The following KIF12 variants were observed in gnomAD, a reference collection of about 807,000 sequenced individuals.
KIF12 encodes kinesin-like protein KIF12.
Under a neutral mutation model 87.9 loss-of-function variants are expected in KIF12, and 80 were observed. That is an observed-to-expected ratio of 0.91 (90% CI 0.76 to 1.10). The LOEUF (loss-of-function observed/expected upper bound fraction) is 1.10, where lower values mean the gene tolerates loss of function less well. Among genes scored for constraint, KIF12 ranks in the 50% least tolerant of loss-of-function variants. The probability of loss-of-function intolerance (pLI) is 0.00; values close to 1 mark genes in which losing one functional copy is unlikely to be tolerated. For synonymous variants in KIF12, 353 were observed against 348.5 expected, an observed-to-expected ratio of 1.01 and a Z score of -0.14; for missense variants, 819 against 865.3, an observed-to-expected ratio of 0.95 and a Z score of 0.67.
At chr9:114,096,938 G>A (rs1380813248) in intron 7 of KIF12, among the ~76,000 whole-genome samples, 1 of 152,244 alleles carries the variant, frequency 6.6e-6, no homozygotes, top group Non-Finnish European at 1.5e-5. Flanking sequence ...CCCTGGAAGG[G>A]TGGAGGGTCT....
Position 114,093,939 on chromosome 9 carries a change from G to A in KIF12, c.1347C>T (p.Asp449=). ...GGATGCGCTGCTCATTCTGGGCCAG[G>A]TCTCGGCTATTCTGCAGCTGGCTCT... ...KEKSQLQNSR[D]LAQNEQRILA... is the part of the protein sequence containing the mutation. The change falls in exon 14 of 19, where the codon GAC becomes GAT. Residue 449 remains aspartate, a synonymous_variant. Coordinates refer to ENST00000640217, the MANE Select transcript of KIF12 (RefSeq NM_001388308.1). 6.2e-7 allele frequency: 1 copy of A among 1,614,102 alleles called. No individual in the cohort carries two copies.
In KIF12 at chr9:114,094,180, C is replaced by A; in HGVS notation, c.1313+1G>T. ...CCCTCTGGCTGTGGGCTGTGCCCTA[C>A]CTGAGCCTCTCATTCTCTAGCATGA... On this transcript the variant is annotated splice_donor_variant, in intron 13 of 18. Coordinates refer to ENST00000640217, the MANE Select transcript of KIF12 (RefSeq NM_001388308.1). LOFTEE classifies it high-confidence loss of function. The A allele has an allele frequency of 2.5e-6, 4 of 1,613,194 alleles. No individual in the cohort carries two copies. The highest frequency in any genetic ancestry group is 2.5e-6 in the Non-Finnish European group (3 of 1,179,550).
At position 114,097,334 on chromosome 9, in the gene KIF12, T is replaced by A; in HGVS notation, c.613A>T (p.Ser205Cys). 1 of 1,610,246 alleles carries A rather than the reference T, an allele frequency of 6.2e-7. No homozygotes were observed. The highest frequency in any genetic ancestry group is 8.5e-7 in the Non-Finnish European group (1 of 1,179,108). Residue 205 changes from serine (S) to cysteine (C), a missense_variant, in exon 7 of 19, where the codon AGT becomes TGT. Physicochemically the swap from Ser to Cys is moderately radical, Grantham distance 112 (BLOSUM62 -1). Coordinates refer to ENST00000640217, the MANE Select transcript of KIF12 (RefSeq NM_001388308.1). ...VEQLRVVEFG[S>C]LEALMELLQT... is the part of the protein sequence containing the mutation. The stretch of plus-strand genomic sequence containing the variant: ...AAAAGTTCCATCAGGGCCTCCAGAC[T>A]CCCAAATTCCACCACCCGCAGCTGC...
At position 114,093,872 on chromosome 9, in the gene KIF12, G is replaced by A. The variant is rs1242870689; in HGVS notation, c.1400+14C>T. On this transcript the variant is annotated intron_variant, in intron 14 of 18. Transcript: ENST00000640217. Reference sequence around the variant, plus strand: ...TGTCCAGAGGCCTGGCTCCAAGCTGGTGGCTCTGCTTACCTCTCTAGTGCA... The same window carrying A: ...TGTCCAGAGGCCTGGCTCCAAGCTGATGGCTCTGCTTACCTCTCTAGTGCA... 6.2e-7 allele frequency: 1 copy of A among 1,610,704 alleles called. No individual in the cohort carries two copies. Among genetic ancestry groups the A allele is most frequent in the African/African-American group, 1.3e-5 (1 of 74,994 alleles).
chr9:114,096,266 G>A (rs1217578942), intron 8 of KIF12, 59 bp from the exon 9 acceptor site: 1 of 1,608,644 alleles, frequency 6.2e-7, no homozygotes, highest in Non-Finnish European at 8.5e-7. Flanking sequence ...AAGCCACAAG[G>A]TTATGGGACC....
chr9:114,098,481 C>T (rs58533883), intron 3 of KIF12, 52 bp from the exon 4 acceptor site: 46,212 of 1,142,882 alleles, frequency 0.04, 1,148 homozygotes, highest in Non-Finnish European at 0.047. Context: ...GGCGGGGCAC[C>T]CTGGAGGGGC....
rs1280322401 is a variant in KIF12 at position 114,097,372 on chromosome 9, C to T, written c.575G>A (p.Gly192Asp). 3.1e-6 allele frequency: 5 copies of T among 1,608,822 alleles called. No individual in the cohort carries two copies. The East Asian group carries it at 6.7e-5, about 22-fold the overall frequency. Residue 192 changes from glycine (G) to aspartate (D), a missense_variant, in exon 7 of 19, where the codon GGC (glycine) becomes GAC (aspartate). Coordinates refer to ENST00000640217, the MANE Select transcript of KIF12 (RefSeq NM_001388308.1). Reference protein sequence around the residue: ...PLPVRWNKTRGFYVEQLRVVE... With the variant: ...PLPVRWNKTRDFYVEQLRVVE... ...CACCCGCAGCTGCTCCACATAGAAG[C>T]CCCGAGTCTTGTTCCAGCGAACAGG...
Position 114,092,432 on chromosome 9 carries a change from G to A in KIF12, c.1717C>T (p.Gln573Ter). ...PRERSHSDWT[Q>*]TRVLAEMLTE... is the part of the protein sequence containing the mutation. ...AACATCTCTGCCAGGACTCGGGTCT[G>A]AGTCCAGTCACTGTGACTCCTGGGC... Residue 573 changes from glutamine to a stop codon, truncating the protein, a stop_gained, in exon 18 of 19, where the codon CAG (glutamine) becomes TAG (stop). Transcript: ENST00000640217. LOFTEE classifies it high-confidence loss of function. The A allele has an allele frequency of 6.2e-7, 1 of 1,613,722 alleles. No homozygotes were observed. Among genetic ancestry groups the A allele is most frequent in the Non-Finnish European group, 8.5e-7 (1 of 1,179,884 alleles).
rs780468289 is a variant in KIF12, at chr9:114,092,579, G to A, written c.1660C>T (p.Pro554Ser). The change falls in exon 17 of 19, where the codon CCA becomes TCA. Residue 554 changes from proline (P) to serine (S), a missense_variant. Pro to Ser is a moderately conservative substitution (Grantham distance 74). Coordinates refer to ENST00000640217, the MANE Select transcript of KIF12 (RefSeq NM_001388308.1). Reference sequence around the variant, plus strand: ...CACTTGGCAGAGCCAGGGCTGCATGGGGGTGCCCAGGGTGGGGGCCGGGCA... The same window carrying A: ...CACTTGGCAGAGCCAGGGCTGCATGAGGGTGCCCAGGGTGGGGGCCGGGCA... ...PSARPPPWAP[P>S]CSPGSAKCPR... 1.4e-5 allele frequency: 23 copies of A among 1,607,844 alleles called. No homozygotes were observed. Among genetic ancestry groups the A allele is most frequent in the Non-Finnish European group, 1.9e-5 (22 of 1,178,424 alleles).
chr9:114,092,645 G>T lies in KIF12; in HGVS notation c.1597-3C>A. 1 of 1,582,430 alleles carries T rather than the reference G, an allele frequency of 6.3e-7. No individual in the cohort carries two copies. On this transcript the variant is annotated splice_region_variant and splice_polypyrimidine_tract_variant and intron_variant, in intron 16 of 18. Coordinates refer to ENST00000640217, the MANE Select transcript of KIF12 (RefSeq NM_001388308.1). The stretch of plus-strand genomic sequence containing the variant: ...CCTGAGGCCTCAGGGTCCAACACCT[G>T]TAGGAAAGACCAGAGTCCACTCTGG...
rs1847178240 is a variant in KIF12, at chr9:114,095,338, G to T, written c.896-6C>A. On this transcript the variant is annotated splice_region_variant and splice_polypyrimidine_tract_variant and intron_variant, in intron 9 of 18. Coordinates refer to ENST00000640217, the MANE Select transcript of KIF12 (RefSeq NM_001388308.1). Reference sequence around the variant, plus strand: ...CAGCAGGGAGATGCAGTGACCTGGGGAGGGAGAGCAAGAGTTAGGAAGGTT... The same window carrying T: ...CAGCAGGGAGATGCAGTGACCTGGGTAGGGAGAGCAAGAGTTAGGAAGGTT... The T allele has an allele frequency of 6.2e-7, 1 of 1,612,086 alleles. No individual in the cohort carries two copies. The highest frequency in any genetic ancestry group is 8.5e-7 in the Non-Finnish European group (1 of 1,179,710).
At chr9:114,094,914 C>A in intron 11 of KIF12, 109 bp downstream of exon 11, 1 of 997,454 alleles carries the variant, frequency 1.0e-6, no homozygotes, top group Non-Finnish European at 1.4e-6. Context: ...ACCCTAATCC[C>A]AACTTTGACC....
intron 13 of KIF12, 61 bp from the exon 14 acceptor site, chr9:114,094,033 G>A (rs1847101811): frequency 1.0e-5 from 15 of 1,496,096 alleles, no homozygotes; most frequent in Non-Finnish European, 1.3e-5. Flanking sequence ...GCATCAGTCA[G>A]CTCCTCCTCA....
intron 5 of KIF12, 22 bp downstream of exon 5, chr9:114,098,093 G>T: frequency 6.5e-7 from 1 of 1,542,488 alleles, no homozygotes; most frequent in Non-Finnish European, 8.7e-7. Flanking sequence ...GCCCCGCGGG[G>T]GCGCCGCCGG....
rs1274362047 is a variant in KIF12 at position 114,093,439 on chromosome 9, G to A, written c.1459C>T (p.Pro487Ser). The A allele has an allele frequency of 2.5e-6, 4 of 1,570,470 alleles. No individual in the cohort carries two copies. The South Asian group carries it at 4.7e-5, about 18-fold the overall frequency. The change falls in exon 15 of 19, where the codon CCC becomes TCC. Residue 487 changes from proline to serine, a missense_variant. Transcript: ENST00000640217. ...GGGGGAGCTGGGGCCATCAAGCAGG[G>A]ACACGGTGGGGTCAGGCCAGGACCC... is the stretch of plus-strand genomic sequence containing the variant. Reference protein sequence around the residue: ...QQGPGLTPPCPCLMAPAPPCH... With the variant: ...QQGPGLTPPCSCLMAPAPPCH...
At position 114,097,438 on chromosome 9, in the gene KIF12, T is replaced by C. The variant is rs1319448555; in HGVS notation, c.511-2A>G. On this transcript the variant is annotated splice_acceptor_variant, in intron 6 of 18. Transcript: ENST00000640217. LOFTEE classifies it high-confidence loss of function. ...CCCCAGGCTCAGCAAGTCCCGAACC[T>C]GGGAGGGGAGGGAGGAGGGTGAGGG... 6.9e-6 allele frequency: 11 copies of C among 1,588,672 alleles called. No individual in the cohort carries two copies. Among genetic ancestry groups the C allele is most frequent in the Non-Finnish European group, 9.4e-6 (11 of 1,169,200 alleles).
Position 114,097,545 on chromosome 9 carries a change from T to A in KIF12, c.510+62A>T, listed in dbSNP as rs968143690. 1.6e-5 allele frequency: 26 copies of A among 1,602,368 alleles called. No homozygotes were observed. In the Admixed American group the frequency reaches 3.5e-4, roughly 22 times the overall value. On this transcript the variant is annotated intron_variant, in intron 6 of 18. Coordinates refer to ENST00000640217, the MANE Select transcript of KIF12 (RefSeq NM_001388308.1). ...GCCTCTTCTGTCCTTTGATCCAGGCTCCCTGGAAAGAAGCGCTCCGTTTCC... is the reference window on the plus strand; with the variant it reads ...GCCTCTTCTGTCCTTTGATCCAGGCACCCTGGAAAGAAGCGCTCCGTTTCC...
In KIF12 at chr9:114,093,498, CTA is replaced by C; in HGVS notation, c.1401-3_1401-2del. On this transcript the variant is annotated splice_acceptor_variant and splice_polypyrimidine_tract_variant and intron_variant, in intron 14 of 18. Coordinates refer to ENST00000640217, the MANE Select transcript of KIF12 (RefSeq NM_001388308.1). LOFTEE classifies it high-confidence loss of function. ...ATGGTAGCAGGCAGAGAGGAGACGC[CTA>C]GAAAGAACAGCAGGGTCTATGCCTG... 4 of 1,554,282 alleles carry C rather than the reference CTA, an allele frequency of 2.6e-6. No individual in the cohort carries two copies. The highest frequency in any genetic ancestry group is 3.5e-6 in the Non-Finnish European group (4 of 1,148,228).
Position 114,094,203 on chromosome 9 carries a change from T to C in KIF12, c.1291A>G (p.Met431Val), listed in dbSNP as rs1435524955. The change falls in exon 13 of 19, where the codon ATG becomes GTG. Residue 431 changes from methionine (M) to valine (V), a missense_variant. Met to Val is a conservative substitution (Grantham distance 21). Transcript: ENST00000640217. ...RNLYGMLQEF[M>V]LENERLRKEK... is the part of the protein sequence containing the mutation. ...TACCTGAGCCTCTCATTCTCTAGCA[T>C]GAACTCCTGTAGCATCCCGTACAGG... is the stretch of plus-strand genomic sequence containing the variant. 1.9e-6 allele frequency: 3 copies of C among 1,613,760 alleles called. No homozygotes were observed. Among genetic ancestry groups the C allele is most frequent in the African/African-American group, 2.7e-5 (2 of 74,906 alleles).
Sources: allele counts gnomAD v4.1 joint callset (sites outside exome capture counted in the v4.1 genomes callset), GRCh38; gene constraint gnomAD v4.1.1; transcripts MANE v1.5; gene names NCBI Gene and HGNC (gene_info 2026-07-23, HGNC 2026-07-21).